CMIP: variants seen among roughly 807,000 people sequenced by gnomAD.
CMIP encodes the protein c-Maf inducing protein.
Under a neutral mutation model 97.3 loss-of-function variants are expected in CMIP, and 13 were observed. The ratio of observed to expected loss-of-function variants is 0.13; its 90% CI spans 0.09 to 0.21. CMIP has a LOEUF of 0.21. Among genes scored for constraint, CMIP ranks in the 10% least tolerant of loss-of-function variants. The pLI is 1.00. For synonymous variants in CMIP, 538 were observed against 436.3 expected (o/e 1.23, Z -2.91); for missense variants, 847 against 1,024.9 (o/e 0.83, Z 2.37).
intron 3 of CMIP, among the ~76,000 whole-genome samples, chr16:81,640,293 C>G (rs904283254): frequency 6.6e-5 from 10 of 151,200 alleles, no homozygotes; most frequent in East Asian, 3.9e-4. Flanking sequence ...CAGGCCCCCC[C>G]CCCCCCAATT....
At chr16:81,579,781 C>T (rs746878365) in intron 1 of CMIP, among the ~76,000 whole-genome samples, 3 of 152,084 alleles carry the variant, frequency 2.0e-5, no homozygotes, top group East Asian at 1.9e-4. Flanking sequence ...GGTGAAACCC[C>T]GTCTCTACTG....
intron 2 of CMIP, among the ~76,000 whole-genome samples, chr16:81,609,383 G>A (rs2091794065): frequency 6.6e-6 from 1 of 152,190 alleles, no homozygotes. Flanking sequence ...CCTCGGCGGG[G>A]GAGATGGGGC....
At chr16:81,595,249 C>G (rs1433379723) in intron 1 of CMIP, among the ~76,000 whole-genome samples, 1 of 152,122 alleles carries the variant, frequency 6.6e-6, no homozygotes, top group Non-Finnish European at 1.5e-5. Flanking sequence ...TTTCCCCGTC[C>G]CTGCCCTGGA....
chr16:81,596,471 C>T (rs1007781683), intron 1 of CMIP, among the ~76,000 whole-genome samples: 1 of 139,586 alleles, frequency 7.2e-6, no homozygotes, highest in Non-Finnish European at 1.5e-5. Context: ...CGTGCCATTG[C>T]ATTCCAGCCT....
intron 1 of CMIP, among the ~76,000 whole-genome samples, chr16:81,559,505 A>G (rs1045491904): frequency 3.9e-5 from 6 of 152,232 alleles, no homozygotes; most frequent in African/African-American, 1.4e-4. Context: ...ACAGCCATGC[A>G]CTGCATAGTG....
intron 6 of CMIP, among the ~76,000 whole-genome samples, chr16:81,663,359 G>A (rs1299280924): frequency 6.6e-6 from 1 of 151,880 alleles, no homozygotes; most frequent in Non-Finnish European, 1.5e-5. Flanking sequence ...ATGCATATTA[G>A]TAAGTGAGAG....
At chr16:81,686,880 G>C (rs1905454072) in intron 10 of CMIP, among the ~76,000 whole-genome samples, 1 of 152,152 alleles carries the variant, frequency 6.6e-6, no homozygotes, top group East Asian at 1.9e-4. Context: ...ATGTGGGTAG[G>C]GGTCCCGGGA....
At position 81,711,360 on chromosome 16, in the gene CMIP, T is replaced by C. The variant is rs1372148980; in HGVS notation, c.*1561T>C. The stretch of plus-strand genomic sequence containing the variant: ...GGTAGACTTTATTACCCCCCCACTA[T>C]GCCCTCATTTTTTTAAAAAAGGAAA... On this transcript the variant is annotated 3_prime_UTR_variant, in exon 21 of 21. Coordinates refer to ENST00000537098, the MANE Select transcript of CMIP (RefSeq NM_198390.3). 1 of 152,120 alleles carries C rather than the reference T, an allele frequency of 6.6e-6. No homozygotes were observed. Among genetic ancestry groups the C allele is most frequent in the Non-Finnish European group, 1.5e-5 (1 of 67,960 alleles). 9.4% of individuals were successfully genotyped at this position (152,120 alleles called of 1,614,324 possible).
intron 1 of CMIP, among the ~76,000 whole-genome samples, chr16:81,548,736 C>T (rs1346801415): frequency 6.6e-6 from 1 of 151,482 alleles, no homozygotes; most frequent in Non-Finnish European, 1.5e-5. Flanking sequence ...GTCTTAGCTA[C>T]GTGGGAGGCT....
At chr16:81,560,253 C>T (rs1190556180) in intron 1 of CMIP, among the ~76,000 whole-genome samples, 1 of 148,886 alleles carries the variant, frequency 6.7e-6, no homozygotes, top group Non-Finnish European at 1.5e-5. Flanking sequence ...GAGTCTCGCT[C>T]CGTCGCCCAG....
intron 15 of CMIP, chr16:81,700,605 G>A (rs1907285393): frequency 6.6e-6 from 1 of 152,504 alleles, no homozygotes; most frequent in Non-Finnish European, 1.5e-5. Flanking sequence ...TCACCCCTCA[G>A]TGGGAAGAGC....
chr16:81,691,949 G>T, intron 11 of CMIP, 109 bp downstream of exon 11: 1 of 971,190 alleles, frequency 1.0e-6, no homozygotes, highest in Non-Finnish European at 1.6e-6. Flanking sequence ...CGAAGTCACA[G>T]CGGGAAGACC....
chr16:81,702,388 T>G (rs963467764), intron 16 of CMIP, among the ~76,000 whole-genome samples: 2 of 152,038 alleles, frequency 1.3e-5, no homozygotes, highest in Non-Finnish European at 2.9e-5. Context: ...CCATTATAGG[T>G]AGCCACAGTG....
chr16:81,599,242 G>T (rs866429622), intron 1 of CMIP, among the ~76,000 whole-genome samples: 1 of 152,104 alleles, frequency 6.6e-6, no homozygotes, highest in Admixed American at 6.5e-5. Flanking sequence ...GGGGCAAGGA[G>T]AGGTCATATT....
At position 81,696,604 on chromosome 16, in the gene CMIP, G is replaced by C. The variant is rs770006482; in HGVS notation, c.1575G>C (p.Trp525Cys). Residue 525 changes from tryptophan to cysteine, a missense_variant, in exon 14 of 21, where the codon TGG becomes TGC. By Grantham distance (215) the Trp-to-Cys change is radical. Coordinates refer to ENST00000537098, the MANE Select transcript of CMIP (RefSeq NM_198390.3). Reference protein sequence around the residue: ...LLSVRAGKDGWFQLYSPGGVA... With the variant: ...LLSVRAGKDGCFQLYSPGGVA... ...GCGTGCGGGCCGGCAAAGATGGCTG[G>C]TTCCAGCTCTACAGCCCCGGAGGGG... is the stretch of plus-strand genomic sequence containing the variant. 2.5e-6 allele frequency: 4 copies of C among 1,606,934 alleles called. No individual in the cohort carries two copies. Among genetic ancestry groups the C allele is most frequent in the Non-Finnish European group, 3.4e-6 (4 of 1,179,852 alleles).
At chr16:81,525,636 C>G (rs1375630971) in intron 1 of CMIP, among the ~76,000 whole-genome samples, 1 of 152,184 alleles carries the variant, frequency 6.6e-6, no homozygotes, top group Non-Finnish European at 1.5e-5. Flanking sequence ...TGCCACTGGC[C>G]TAGCCAATCA....
At chr16:81,624,488 CAAA>C (rs371369093) in intron 3 of CMIP, among the ~76,000 whole-genome samples, 29 of 92,646 alleles carry the variant, frequency 3.1e-4, no homozygotes, top group South Asian at 2.9e-3. Flanking sequence ...GACTCCGTCT[CAAA>C]AAAAAAAAAA....
chr16:81,554,759 A>G (rs1480186281), intron 1 of CMIP, among the ~76,000 whole-genome samples: 1 of 152,212 alleles, frequency 6.6e-6, no homozygotes. Context: ...TGTCTGTAGA[A>G]TGGAGATAAT....
At chr16:81,500,894 T>G (rs2089597889) in intron 1 of CMIP, among the ~76,000 whole-genome samples, 1 of 152,214 alleles carries the variant, frequency 6.6e-6, no homozygotes, top group Non-Finnish European at 1.5e-5. Flanking sequence ...CTTGTGCATC[T>G]GCGTCTTTGA....
Sources: gnomAD v4.1 joint callset for allele counts (sites outside exome capture counted in the v4.1 genomes callset) on GRCh38, gnomAD v4.1.1 for gene constraint, MANE v1.5 for transcripts, NCBI Gene and HGNC (gene_info 2026-07-23, HGNC 2026-07-21) for gene names.